LRRC37A2: variants seen among roughly 807,000 people sequenced by gnomAD.
LRRC37A2 encodes the protein leucine-rich repeat-containing protein 37A2.
LRRC37A2 carries 9 observed loss-of-function variants against 68.8 expected under a neutral mutation model. That is an observed-to-expected ratio of 0.13 (90% CI 0.08 to 0.23). The LOEUF (loss-of-function observed/expected upper bound fraction) is 0.23, where lower values mean the gene tolerates loss of function less well. Ranked by LOEUF, LRRC37A2 falls within the 10% of genes least tolerant of loss-of-function variation. The pLI is 1.00. For synonymous variants in LRRC37A2, 63 were observed against 367.6 expected, an observed-to-expected ratio of 0.17 and a Z score of 9.48; for missense variants, 168 against 950.4, an observed-to-expected ratio of 0.18 and a Z score of 10.82.
chr17:46,724,672 C>G, the LRRC37A2 span, among the ~76,000 whole-genome samples: 1 of 152,216 alleles, frequency 6.6e-6, no homozygotes, highest in Admixed American at 6.5e-5. Flanking sequence ...GCTTCCCCAA[C>G]TCTAACTTTT....
the LRRC37A2 span, among the ~76,000 whole-genome samples, chr17:46,716,784 T>G: frequency 6.6e-6 from 1 of 152,224 alleles, no homozygotes; most frequent in African/African-American, 2.4e-5. Context: ...TCTTTTCTAC[T>G]CAGACACATG....
chr17:46,859,421 G>C, the LRRC37A2 span, among the ~76,000 whole-genome samples: 2 of 152,146 alleles, frequency 1.3e-5, no homozygotes, highest in East Asian at 3.8e-4. Context: ...TTTCTCCACT[G>C]TCATCTTTGT....
the LRRC37A2 span, among the ~76,000 whole-genome samples, chr17:46,784,469 G>A: frequency 6.6e-6 from 1 of 152,062 alleles, no homozygotes; most frequent in Non-Finnish European, 1.5e-5. Flanking sequence ...CACACGGTGG[G>A]AGGACACTGA....
At chr17:46,813,066 A>T in the LRRC37A2 span, among the ~76,000 whole-genome samples, 1 of 152,018 alleles carries the variant, frequency 6.6e-6, no homozygotes, top group Non-Finnish European at 1.5e-5. Context: ...CGAGGTTTGG[A>T]AGTGCAAGCA....
At chr17:46,850,866 T>C in the LRRC37A2 span, among the ~76,000 whole-genome samples, 327 of 152,200 alleles carry the variant, frequency 2.1e-3, 1 homozygote, top group Admixed American at 3.1e-3. Flanking sequence ...TCTGCCCCAC[T>C]GTCCACTTTG....
chr17:47,015,358 C>T, the LRRC37A2 span, among the ~76,000 whole-genome samples: 2 of 152,178 alleles, frequency 1.3e-5, no homozygotes, highest in Non-Finnish European at 2.9e-5. Context: ...TCCATGTTTA[C>T]ATACACAAAT....
chr17:46,878,677 G>T, the LRRC37A2 span, among the ~76,000 whole-genome samples: 1 of 152,130 alleles, frequency 6.6e-6, no homozygotes, highest in South Asian at 2.1e-4. Context: ...GCTCAGTGCT[G>T]GGCGTAAGGC....
chr17:46,428,955 A>C, the LRRC37A2 span, among the ~76,000 whole-genome samples: 1 of 118,304 alleles, frequency 8.5e-6, no homozygotes, highest in Admixed American at 9.1e-5. Context: ...AAAAAAAAAA[A>C]AAAAAAAAGA....
chr17:46,823,198 T>TA, the LRRC37A2 span, among the ~76,000 whole-genome samples: 328 of 109,326 alleles, frequency 3.0e-3, 4 homozygotes, highest in Non-Finnish European at 4.4e-3. Context: ...TTATATATAT[T>TA]TATATATAAT....
the LRRC37A2 span, among the ~76,000 whole-genome samples, chr17:46,909,310 A>G: frequency 0.038 from 5,807 of 152,258 alleles, 352 homozygotes; most frequent in African/African-American, 0.13. Flanking sequence ...GGATTGCAGG[A>G]GTGAGCCGCT....
At chr17:46,721,185 G>A in the LRRC37A2 span, among the ~76,000 whole-genome samples, 2,922 of 152,266 alleles carry the variant, frequency 0.019, 60 homozygotes, top group Non-Finnish European at 0.032. Flanking sequence ...CCACACTCTG[G>A]GTTGTCTCTC....
At chr17:46,929,530 G>A in the LRRC37A2 span, 641 of 1,549,904 alleles carry the variant, frequency 4.1e-4, 3 homozygotes, top group African/African-American at 7.7e-3. Flanking sequence ...GCAGGTCCAC[G>A]AGATCCAGTC....
the LRRC37A2 span, chr17:46,768,764 G>A: frequency 1.2e-6 from 2 of 1,614,020 alleles, no homozygotes; most frequent in Middle Eastern, 1.6e-4. This position sits in a 1 kb window ranked among gnomAD's most constrained non-coding sequence, Gnocchi z 5.0. Flanking sequence ...ACAGCCCGTG[G>A]CACTTGCATT....
chr17:46,575,124 T>C, the LRRC37A2 span, among the ~76,000 whole-genome samples: 2 of 103,826 alleles, frequency 1.9e-5, no homozygotes, highest in Non-Finnish European at 4.6e-5. Flanking sequence ...AAGTTGATCA[T>C]TTGAGTCCTG....
chr17:46,711,185 G>A, the LRRC37A2 span: 26 of 1,370,746 alleles, frequency 1.9e-5, no homozygotes, highest in African/African-American at 4.5e-5. Context: ...TTAAAAGCCC[G>A]TAAGCACATT....
At chr17:46,782,236 C>T in the LRRC37A2 span, among the ~76,000 whole-genome samples, 2 of 152,258 alleles carry the variant, frequency 1.3e-5, no homozygotes, top group African/African-American at 4.8e-5. Context: ...CATCTTAAGA[C>T]TCTGATCTGA....
At chr17:46,989,054 G>A in the LRRC37A2 span, among the ~76,000 whole-genome samples, 3 of 152,198 alleles carry the variant, frequency 2.0e-5, no homozygotes, top group Admixed American at 1.3e-4. Context: ...CAGCAGTTTA[G>A]CAATGCCAAC....
chr17:46,832,341 G>A, the LRRC37A2 span, among the ~76,000 whole-genome samples: 1 of 150,512 alleles, frequency 6.6e-6, no homozygotes, highest in Non-Finnish European at 1.5e-5. Context: ...TGTTGGCTGC[G>A]AAGTGGCTGG....
the LRRC37A2 span, among the ~76,000 whole-genome samples, chr17:46,849,012 G>T: frequency 6.6e-6 from 1 of 152,122 alleles, no homozygotes; most frequent in Non-Finnish European, 1.5e-5. Context: ...GCTATTATCT[G>T]GGCAGTTCTA....
Sources: gnomAD v4.1 joint callset for allele counts (sites outside exome capture counted in the v4.1 genomes callset) on GRCh38, gnomAD v4.1.1 for gene constraint, Gnocchi (gnomAD v3.1) non-coding constraint, MANE v1.5 for transcripts, NCBI Gene and HGNC (gene_info 2026-07-23, HGNC 2026-07-21) for gene names.